Variants in PPP3CA observed in about 807,000 individuals in gnomAD.
PPP3CA encodes CAM-PRP catalytic subunit.
A neutral mutation model predicts 66.5 loss-of-function variants in PPP3CA; 14 were observed. The observed-to-expected ratio is 0.21, with a 90% CI of 0.14 to 0.33. The LOEUF (loss-of-function observed/expected upper bound fraction) is 0.33, where lower values mean the gene tolerates loss of function less well. Ranked by LOEUF, PPP3CA falls within the 10% of genes least tolerant of loss-of-function variation. The probability of loss-of-function intolerance (pLI) is 1.00; values close to 1 mark genes in which losing one functional copy is unlikely to be tolerated. For synonymous variants in PPP3CA, 232 were observed against 226.2 expected, an observed-to-expected ratio of 1.03 and a Z score of -0.23; for missense variants, 317 against 639.5, an observed-to-expected ratio of 0.50 and a Z score of 5.44.
intron 1 of PPP3CA, among the ~76,000 whole-genome samples, chr4:101,205,882 A>G (rs578204166): frequency 6.6e-6 from 1 of 152,354 alleles, no homozygotes; most frequent in Non-Finnish European, 1.5e-5. Context: ...AGCATACAGC[A>G]TCTTGTATCT....
At chr4:101,305,132 G>A (rs1178321920) in intron 1 of PPP3CA, among the ~76,000 whole-genome samples, 1 of 152,166 alleles carries the variant, frequency 6.6e-6, no homozygotes, top group Non-Finnish European at 1.5e-5. Flanking sequence ...GCAAGAGTTT[G>A]TTTATTTTAT....
rs74569968 is a variant in PPP3CA at position 101,061,072 on chromosome 4, G to C, written c.1156+15C>G. On this transcript the variant is annotated intron_variant, in intron 10 of 13. Coordinates refer to ENST00000394854, the MANE Select transcript of PPP3CA (RefSeq NM_000944.5). Reference sequence around the variant, plus strand: ...TCTGGCAAATAGCATTAGCACAAAGGCTCAAGCCTCTTACCATCAAATCCA... The same window carrying C: ...TCTGGCAAATAGCATTAGCACAAAGCCTCAAGCCTCTTACCATCAAATCCA... 4,245 of 1,600,564 alleles carry C rather than the reference G, an allele frequency of 2.7e-3. 115 individuals are homozygous for C. In the African/African-American group the frequency reaches 0.049, roughly 18 times the overall value.
intron 1 of PPP3CA, among the ~76,000 whole-genome samples, chr4:101,253,270 T>A (rs979079969): frequency 6.6e-6 from 1 of 152,164 alleles, no homozygotes; most frequent in African/African-American, 2.4e-5. Context: ...TATATATTAT[T>A]TTTTAGCATA....
chr4:101,219,067 C>T (rs1263620992), intron 1 of PPP3CA, among the ~76,000 whole-genome samples: 4 of 151,990 alleles, frequency 2.6e-5, no homozygotes. Context: ...GTTATGAAAT[C>T]AAAGTTAAAA....
rs1378717975 is a variant in PPP3CA at position 101,098,354 on chromosome 4, T to C, written c.642+13A>G. 1.9e-6 allele frequency: 3 copies of C among 1,589,618 alleles called. No individual in the cohort carries two copies. Among genetic ancestry groups the C allele is most frequent in the South Asian group, 1.2e-5 (1 of 85,538 alleles). On this transcript the variant is annotated intron_variant, in intron 5 of 13. Coordinates refer to ENST00000394854, the MANE Select transcript of PPP3CA (RefSeq NM_000944.5). ...GCACAAAATGATTAGACTTGGAAAA[T>C]AACAAAACTTACTTTTCTGATATCA...
intron 1 of PPP3CA, among the ~76,000 whole-genome samples, chr4:101,297,630 T>C (rs143728676): frequency 3.4e-4 from 51 of 152,202 alleles, no homozygotes; most frequent in South Asian, 6.2e-4. Context: ...CAGACACATA[T>C]AGCCAGCTGC....
chr4:101,027,672 TTAAC>T (rs1303745773), intron 13 of PPP3CA, among the ~76,000 whole-genome samples: 4 of 152,214 alleles, frequency 2.6e-5, no homozygotes, highest in Admixed American at 2.0e-4. Context: ...TTCATCATAA[TTAAC>T]AGGTATAAAA....
intron 13 of PPP3CA, among the ~76,000 whole-genome samples, chr4:101,028,170 C>T (rs1009751779): frequency 6.6e-6 from 1 of 152,012 alleles, no homozygotes; most frequent in African/African-American, 2.4e-5. Context: ...ACCATATGCA[C>T]ATAATTTTGA....
intron 8 of PPP3CA, among the ~76,000 whole-genome samples, chr4:101,074,929 G>A (rs1729117210): frequency 6.6e-6 from 1 of 152,164 alleles, no homozygotes; most frequent in African/African-American, 2.4e-5. Flanking sequence ...GATGTTTAAT[G>A]GACTCACAGC....
chr4:101,345,902 G>A (rs987101997), intron 1 of PPP3CA, among the ~76,000 whole-genome samples: 11 of 152,234 alleles, frequency 7.2e-5, no homozygotes, highest in African/African-American at 2.7e-4. Flanking sequence ...CTTGGGAGGT[G>A]TGCACGAGTG....
chr4:101,311,761 T>C (rs528929938), intron 1 of PPP3CA, among the ~76,000 whole-genome samples: 36 of 152,282 alleles, frequency 2.4e-4, no homozygotes, highest in East Asian at 5.8e-4. Flanking sequence ...GCCTGGGGGA[T>C]AGAAGGATAC....
chr4:101,072,537 T>G (rs1339745307), intron 8 of PPP3CA, among the ~76,000 whole-genome samples: 1 of 152,098 alleles, frequency 6.6e-6, no homozygotes, highest in Non-Finnish European at 1.5e-5. Context: ...ATACAGTAAT[T>G]CATAGGGTTG....
intron 2 of PPP3CA, among the ~76,000 whole-genome samples, chr4:101,151,150 C>T (rs1723123562): frequency 6.6e-6 from 1 of 152,214 alleles, no homozygotes; most frequent in Non-Finnish European, 1.5e-5. Context: ...CAATGGCACA[C>T]AGACCGTGAC....
At chr4:101,179,238 G>A (rs2110173469) in intron 2 of PPP3CA, among the ~76,000 whole-genome samples, 1 of 152,148 alleles carries the variant, frequency 6.6e-6, no homozygotes, top group South Asian at 2.1e-4. Context: ...GGTTCCTAGA[G>A]TGCTAGTTAA....
intron 2 of PPP3CA, among the ~76,000 whole-genome samples, chr4:101,139,224 G>A (rs1290859420): frequency 6.6e-6 from 1 of 151,856 alleles, no homozygotes; most frequent in Non-Finnish European, 1.5e-5. Context: ...GCAGGCACCT[G>A]TAGTCCCAGC....
chr4:101,329,253 A>G (rs115372972), intron 1 of PPP3CA, among the ~76,000 whole-genome samples: 4 of 152,318 alleles, frequency 2.6e-5, no homozygotes, highest in Non-Finnish European at 5.9e-5. Context: ...TGGTCTGGAT[A>G]GATCAAACCA....
At chr4:101,295,882 AGT>A (rs1383845434) in intron 1 of PPP3CA, among the ~76,000 whole-genome samples, 22 of 152,226 alleles carry the variant, frequency 1.4e-4, no homozygotes, top group East Asian at 1.3e-3. Context: ...AACACTAGAG[AGT>A]GAGATATTTT....
chr4:101,298,834 G>A (rs917788688), intron 1 of PPP3CA, among the ~76,000 whole-genome samples: 2 of 145,504 alleles, frequency 1.4e-5, no homozygotes, highest in African/African-American at 5.3e-5. Flanking sequence ...AATTGTTCAA[G>A]GGTCTACTGT....
intron 12 of PPP3CA, among the ~76,000 whole-genome samples, chr4:101,030,958 TGTG>T (rs1012878916): frequency 1.4e-4 from 9 of 63,236 alleles, no homozygotes; most frequent in African/African-American, 8.0e-4. Flanking sequence ...AACTTTTGTG[TGTG>T]TTTTTTTTTT....
Sources: allele counts gnomAD v4.1 joint callset (sites outside exome capture counted in the v4.1 genomes callset), GRCh38; gene constraint gnomAD v4.1.1; transcripts MANE v1.5; gene names NCBI Gene and HGNC (gene_info 2026-07-23, HGNC 2026-07-21).